SURF1: variants seen among roughly 807,000 people sequenced by gnomAD.
SURF1 encodes SURF1 cytochrome c oxidase assembly factor.
Under a neutral mutation model 34.1 loss-of-function variants are expected in SURF1, and 45 were observed. The observed-to-expected ratio is 1.32, with a 90% CI of 1.04 to 1.69. SURF1 has a LOEUF of 1.69. Among genes scored for constraint, SURF1 ranks in the 40% most tolerant of loss-of-function variants. The pLI, the probability that SURF1 is intolerant of heterozygous loss-of-function variation, is 0.00. For missense variants in SURF1, 456 were observed against 384.6 expected (o/e 1.19, Z -1.55); for synonymous variants, 188 against 147.5 (o/e 1.27, Z -1.99).
rs2130003308 is a variant in SURF1, at chr9:133,351,979, ATACC to A, written c.834-1_836del. Reference sequence around the variant, plus strand: ...GGTAGGATGTAGCTGCAGAGAGTCCATACCTAGGGGTTGAAAGCAAGCCAGCATT... The same window carrying A: ...GGTAGGATGTAGCTGCAGAGAGTCCATAGGGGTTGAAAGCAAGCCAGCATT... On this transcript the variant is annotated splice_acceptor_variant and coding_sequence_variant, in exon 9 of 9. Transcript: ENST00000371974. LOFTEE classifies it high-confidence loss of function. The A allele has an allele frequency of 6.2e-7, 1 of 1,613,908 alleles. No individual in the cohort carries two copies. The highest frequency in any genetic ancestry group is 1.7e-5 in the Admixed American group (1 of 59,984).
Position 133,352,078 on chromosome 9 carries a change from C to CA in SURF1, c.815dup (p.Gln273AlafsTer19). ...GGACTCACCAGGTCACGATGTACTG[C>CA]AGATGCTCGTTCCTCAGAGTAACTC... is the stretch of plus-strand genomic sequence containing the variant. On this transcript the variant is annotated frameshift_variant, in exon 8 of 9. Transcript: ENST00000371974. LOFTEE classifies it high-confidence loss of function. The CA allele has an allele frequency of 6.2e-7, 1 of 1,611,432 alleles. No homozygotes were observed. Among genetic ancestry groups the CA allele is most frequent in the African/African-American group, 1.3e-5 (1 of 75,022 alleles).
In SURF1 at chr9:133,356,458, C is replaced by T; in HGVS notation, c.-5G>A. On this transcript the variant is annotated 5_prime_UTR_variant, in exon 1 of 9. The change creates a new upstream start codon in the 5' untranslated region. Transcript: ENST00000371974. Reference sequence around the variant, plus strand: ...CAACGCAGCCACCGCCGCCATCGCACCCGGCCCCGCGGGCGCTTCCGGGAC... The same window carrying T: ...CAACGCAGCCACCGCCGCCATCGCATCCGGCCCCGCGGGCGCTTCCGGGAC... 2 of 1,425,512 alleles carry T rather than the reference C, an allele frequency of 1.4e-6. No individual in the cohort carries two copies. Among genetic ancestry groups the T allele is most frequent in the Non-Finnish European group, 1.8e-6 (2 of 1,092,268 alleles). The allele number at this position is 1,425,512 out of a possible 1,614,324, so 88.3% of individuals were successfully genotyped here. A position where few individuals can be genotyped will look rare whatever the true frequency, so the allele number is the denominator to read the frequency against.
At chr9:133,352,321 C>T (rs1413505679) in intron 7 of SURF1, 125 bp downstream of exon 7, 12 of 1,527,814 alleles carry the variant, frequency 7.9e-6, no homozygotes, top group Non-Finnish European at 9.9e-6. Context: ...GTTGCTGCCT[C>T]CTCCCACCCG....
At chr9:133,356,032 G>A in intron 2 of SURF1, 1 of 591,184 alleles carries the variant, frequency 1.7e-6, no homozygotes, top group East Asian at 3.2e-5. Context: ...TCTGTAACAG[G>A]GGAACGACCA....
intron 5 of SURF1, 65 bp downstream of exon 5, chr9:133,353,684 T>C: frequency 1.3e-6 from 2 of 1,580,124 alleles, no homozygotes; most frequent in Non-Finnish European, 8.7e-7. Flanking sequence ...AAGGAAATAG[T>C]GATGTAAATT....
Position 133,351,788 on chromosome 9 carries a change from A to G in SURF1, c.*125T>C. On this transcript the variant is annotated 3_prime_UTR_variant, in exon 9 of 9. Transcript: ENST00000371974. ...ACTGAAACCAAGCCAGGATTTTATG[A>G]TGAACCAGTCATGAGCTCATTTAAG... is the stretch of plus-strand genomic sequence containing the variant. 1 of 1,116,932 alleles carries G rather than the reference A, an allele frequency of 9.0e-7. No individual in the cohort carries two copies. Among genetic ancestry groups the G allele is most frequent in the South Asian group, 1.3e-5 (1 of 75,278 alleles). 69.2% of individuals were successfully genotyped at this position (1,116,932 alleles called of 1,614,324 possible). A position where few individuals can be genotyped will look rare whatever the true frequency, so the allele number is the denominator to read the frequency against.
chr9:133,354,594 A>T (rs1427200775), intron 4 of SURF1, 65 bp downstream of exon 4: 1 of 1,596,274 alleles, frequency 6.3e-7, no homozygotes, highest in East Asian at 2.2e-5. Context: ...GCTGGCCAGC[A>T]GAAGCCAGGG....
At position 133,352,136 on chromosome 9, in the gene SURF1, G is replaced by C. The variant is rs2130004986; in HGVS notation, c.758C>G (p.Thr253Arg). Residue 253 changes from threonine (T) to arginine (R), a missense_variant, in exon 8 of 9, where the codon ACA becomes AGA. By Grantham distance (71) the Thr-to-Arg change is moderately conservative. Coordinates refer to ENST00000371974, the MANE Select transcript of SURF1 (RefSeq NM_003172.4). ...CCCTCCAATGGGTCCTCCAGGGACT[G>C]TGCTCTCTGTGGAGACAGCAGACTC... Reference protein sequence around the residue: ...PIFIDANFQSTVPGGPIGGQT... With the variant: ...PIFIDANFQSRVPGGPIGGQT... 2 of 1,598,218 alleles carry C rather than the reference G, an allele frequency of 1.3e-6. No individual in the cohort carries two copies. Among genetic ancestry groups the C allele is most frequent in the South Asian group, 1.1e-5 (1 of 88,762 alleles).
intron 4 of SURF1, 114 bp downstream of exon 4, chr9:133,354,545 G>T: frequency 8.0e-7 from 1 of 1,246,638 alleles, no homozygotes. Flanking sequence ...TCCCACCTGA[G>T]GTCAAGGCAG....
intron 4 of SURF1, 70 bp from the exon 5 acceptor site, chr9:133,354,010 T>A: frequency 6.4e-7 from 1 of 1,572,052 alleles, no homozygotes; most frequent in Non-Finnish European, 8.7e-7. Flanking sequence ...GGTGGCAGAC[T>A]ACACAGCCCA....
chr9:133,353,685 G>T (rs1404290909), intron 5 of SURF1, 64 bp downstream of exon 5: 56 of 1,582,254 alleles, frequency 3.5e-5, no homozygotes, highest in Middle Eastern at 3.8e-4. Context: ...AGGAAATAGT[G>T]ATGTAAATTA....
chr9:133,354,681 C>T lies in SURF1; in HGVS notation c.301G>A (p.Glu101Lys). Residue 101 changes from glutamate to lysine, a missense_variant, in exon 4 of 9, where the codon GAG (glutamate) becomes AAG (lysine). Physicochemically the swap from Glu to Lys is moderately conservative, Grantham distance 56. Transcript: ENST00000371974. Reference sequence around the variant, plus strand: ...CACTCGGCTGGCAGAGGGACAGGCTCAGCCAGAACTCTGGACTCCAACTCT... The same window carrying T: ...CACTCGGCTGGCAGAGGGACAGGCTTAGCCAGAACTCTGGACTCCAACTCT... Reference protein sequence around the residue: ...IAELESRVLAEPVPLPADPME... With the variant: ...IAELESRVLAKPVPLPADPME... 6.2e-6 allele frequency: 10 copies of T among 1,613,150 alleles called. No individual in the cohort carries two copies. The highest frequency in any genetic ancestry group is 8.5e-6 in the Non-Finnish European group (10 of 1,180,032).
chr9:133,353,994 CCT>C (rs1836505050), intron 4 of SURF1, 54 bp from the exon 5 acceptor site: 6 of 1,607,720 alleles, frequency 3.7e-6, no homozygotes, highest in South Asian at 2.2e-5. Context: ...AAACGAATCC[CCT>C]GAGGGTGGCA....
chr9:133,355,980 C>T, intron 2 of SURF1: 1 of 548,244 alleles, frequency 1.8e-6, no homozygotes, highest in South Asian at 2.0e-5. Flanking sequence ...GCTGGCCACC[C>T]ATTAGCTGGA....
At chr9:133,352,869 AG>A in intron 5 of SURF1, 103 bp from the exon 6 acceptor site, 1 of 1,314,550 alleles carries the variant, frequency 7.6e-7, no homozygotes, top group Non-Finnish European at 1.1e-6. Context: ...GCACCAAGGA[AG>A]GCTTTTAAAA....
Position 133,353,810 on chromosome 9 carries a change from T to C in SURF1, c.454A>G (p.Ile152Val). Reference protein sequence around the residue: ...PVREAREGGLISSSTQSGAYV... With the variant: ...PVREAREGGLVSSSTQSGAYV... ...GCCCCACTCTGAGTTGAGGAGGAGATGAGGCCGCCCTCCCGGGCCTCCCGG... is the reference window on the plus strand; with the variant it reads ...GCCCCACTCTGAGTTGAGGAGGAGACGAGGCCGCCCTCCCGGGCCTCCCGG... Residue 152 changes from isoleucine (I) to valine (V), a missense_variant, in exon 5 of 9, where the codon ATC (isoleucine) becomes GTC (valine). Coordinates refer to ENST00000371974, the MANE Select transcript of SURF1 (RefSeq NM_003172.4). The C allele has an allele frequency of 6.2e-7, 1 of 1,613,838 alleles. No homozygotes were observed. The highest frequency in any genetic ancestry group is 8.5e-7 in the Non-Finnish European group (1 of 1,180,044).
Position 133,354,969 on chromosome 9 carries a change from CACA to C in SURF1, c.107-15_107-13del. 1 of 1,612,854 alleles carries C rather than the reference CACA, an allele frequency of 6.2e-7. No individual in the cohort carries two copies. Among genetic ancestry groups the C allele is most frequent in the Non-Finnish European group, 8.5e-7 (1 of 1,180,018 alleles). ...CCTCCAGGCCACCCCTGGAGAGTTT[CACA>C]ACACTGACATGGAGCCAGAAGCCCT... On this transcript the variant is annotated splice_polypyrimidine_tract_variant and intron_variant, in intron 2 of 8. Coordinates refer to ENST00000371974, the MANE Select transcript of SURF1 (RefSeq NM_003172.4).
At chr9:133,355,700 A>G (rs1836557454) in intron 2 of SURF1, among the ~76,000 whole-genome samples, 1 of 152,184 alleles carries the variant, frequency 6.6e-6, no homozygotes, top group African/African-American at 2.4e-5. Context: ...ACAGCTTTCC[A>G]TTTTTACAAC....
chr9:133,354,880 G>A lies in SURF1; in HGVS notation c.184C>T (p.Leu62Phe). ...SATKAEDDSF[L>F]QWVLLLIPVT... ...GGGATGAGGAGCAGGACCCACTGAA[G>A]AAAGGAGTCATCTTCCGCTTTTGTG... The change falls in exon 3 of 9, where the codon CTT (leucine) becomes TTT (phenylalanine). Residue 62 changes from leucine (L) to phenylalanine (F), a missense_variant. Coordinates refer to ENST00000371974, the MANE Select transcript of SURF1 (RefSeq NM_003172.4). 1 of 1,614,050 alleles carries A rather than the reference G, an allele frequency of 6.2e-7. No individual in the cohort carries two copies. The highest frequency in any genetic ancestry group is 8.5e-7 in the Non-Finnish European group (1 of 1,180,036).
Sources: allele counts gnomAD v4.1 joint callset (sites outside exome capture counted in the v4.1 genomes callset), GRCh38; gene constraint gnomAD v4.1.1; transcripts MANE v1.5; gene names NCBI Gene and HGNC (gene_info 2026-07-23, HGNC 2026-07-21).